The following VPS51 variants were observed in gnomAD, a reference collection of about 807,000 sequenced individuals.
VPS51 encodes the protein VPS51 subunit of GARP complex.
Under a neutral mutation model 65.1 loss-of-function variants are expected in VPS51, and 55 were observed. The ratio of observed to expected loss-of-function variants is 0.84; its 90% CI spans 0.68 to 1.06. VPS51 has a LOEUF of 1.06. Among genes scored for constraint, VPS51 ranks in the 50% least tolerant of loss-of-function variants. The probability of loss-of-function intolerance (pLI) is 0.00; values close to 1 mark genes in which losing one functional copy is unlikely to be tolerated. For missense variants in VPS51, 943 were observed against 1,101.6 expected (o/e 0.86, Z 2.04); for synonymous variants, 473 against 489.5 (o/e 0.97, Z 0.44).
intron 9 of VPS51, 102 bp from the exon 10 acceptor site, chr11:65,111,225 A>G (rs762439676): frequency 6.5e-7 from 1 of 1,539,578 alleles, no homozygotes; most frequent in Non-Finnish European, 8.8e-7. Context: ...GCCTCATCCC[A>G]GCTACTTCCA....
rs528349425 is a variant in VPS51, at chr11:65,111,859, G to C, written c.*272G>C. The C allele has an allele frequency of 1.4e-5, 14 of 999,922 alleles. No homozygotes were observed. Among genetic ancestry groups the C allele is most frequent in the Admixed American group, 6.8e-5 (3 of 44,086 alleles). The allele number at this position is 999,922 out of a possible 1,614,324, so 61.9% of individuals were successfully genotyped here. Reference sequence around the variant, plus strand: ...CGGTTCCACTTAAAAACCCTGGGACGAGAGCGGTCCTTGTCTGCGTTCCGT... The same window carrying C: ...CGGTTCCACTTAAAAACCCTGGGACCAGAGCGGTCCTTGTCTGCGTTCCGT... On this transcript the variant is annotated 3_prime_UTR_variant, in exon 10 of 10. Transcript: ENST00000279281.
At position 65,107,993 on chromosome 11, in the gene VPS51, C is replaced by T. The variant is rs377335542; in HGVS notation, c.696C>T (p.Arg232=). 5 of 1,549,436 alleles carry T rather than the reference C, an allele frequency of 3.2e-6. No individual in the cohort carries two copies. The highest frequency in any genetic ancestry group is 4.4e-6 in the Non-Finnish European group (5 of 1,148,914). ...ACGACTGCCAGGTCATCACGGCCCG[C>T]CTGGCCCAGCAGCTGCGGCAGCGCT... ...IQDDCQVITA[R]LAQQLRQRFR... The change falls in exon 4 of 10, where the codon CGC becomes CGT. Residue 232 remains arginine, a synonymous_variant. Coordinates refer to ENST00000279281, the MANE Select transcript of VPS51 (RefSeq NM_013265.4). This position sits in a 1 kb window ranked among gnomAD's most constrained non-coding sequence, Gnocchi z 4.0.
At position 65,109,369 on chromosome 11, in the gene VPS51, C is replaced by T. The variant is rs755200696; in HGVS notation, c.1533C>T (p.Ser511=). ...MCQTAQSFCD[S]PGEKGGATPP... ...AGACGGCTCAGAGCTTCTGCGACAG[C>T]CCTGGGGAGAAGGGGGGTGCCACAC... is the stretch of plus-strand genomic sequence containing the variant. The change falls in exon 6 of 10, where the codon AGC becomes AGT. Residue 511 remains serine (S), a synonymous_variant. Transcript: ENST00000279281. 16 of 1,613,086 alleles carry T rather than the reference C, an allele frequency of 9.9e-6. No homozygotes were observed. The highest frequency in any genetic ancestry group is 1.2e-5 in the Non-Finnish European group (14 of 1,180,018).
At chr11:65,097,879 G>A (rs1344772881) in intron 2 of VPS51, among the ~76,000 whole-genome samples, 1 of 150,632 alleles carries the variant, frequency 6.6e-6, no homozygotes, top group East Asian at 2.0e-4. Flanking sequence ...GTATCTATCT[G>A]AAGAAGCATC....
In VPS51 at chr11:65,109,366, C is replaced by A; in HGVS notation, c.1530C>A (p.Asp510Glu). Residue 510 changes from aspartate (D) to glutamate (E), a missense_variant, in exon 6 of 10, where the codon GAC (aspartate) becomes GAA (glutamate). Physicochemically the swap from Asp to Glu is conservative, Grantham distance 45. Coordinates refer to ENST00000279281, the MANE Select transcript of VPS51 (RefSeq NM_013265.4). Reference protein sequence around the residue: ...SMCQTAQSFCDSPGEKGGATP... With the variant: ...SMCQTAQSFCESPGEKGGATP... ...GCCAGACGGCTCAGAGCTTCTGCGA[C>A]AGCCCTGGGGAGAAGGGGGGTGCCA... 1 of 1,613,332 alleles carries A rather than the reference C, an allele frequency of 6.2e-7. No homozygotes were observed.
At chr11:65,108,100 G>T in intron 4 of VPS51, 78 bp downstream of exon 4, 1 of 1,516,480 alleles carries the variant, frequency 6.6e-7, no homozygotes, top group South Asian at 1.2e-5. Context: ...GGCCCTCCTG[G>T]AGCTGTCCCC....
intron 9 of VPS51, chr11:65,111,099 G>A: frequency 5.2e-6 from 4 of 762,782 alleles, no homozygotes; most frequent in East Asian, 2.7e-5. Context: ...TCCCTGCCCC[G>A]CCTCACTCCA....
chr11:65,109,036 AC>A, intron 5 of VPS51, 122 bp downstream of exon 5: 6 of 1,263,864 alleles, frequency 4.7e-6, no homozygotes, highest in Non-Finnish European at 6.8e-6. Context: ...GTTCTTATGC[AC>A]GGTCTGGGGG....
Position 65,096,220 on chromosome 11 carries a change from AGCCTCAC to A in VPS51, c.-27_-21del, listed in dbSNP as rs1226279993. On this transcript the variant is annotated 5_prime_UTR_variant, in exon 1 of 10. Transcript: ENST00000279281. ...CCTCCTCCCCGTCCCCTTCCTTTCC[AGCCTCAC>A]GCCCGTGGGCTGCAGTTGGAACGAT... The A allele has an allele frequency of 2.0e-6, 3 of 1,519,032 alleles. No homozygotes were observed. Among genetic ancestry groups the A allele is most frequent in the Non-Finnish European group, 2.7e-6 (3 of 1,132,052 alleles). 94.1% of individuals were successfully genotyped at this position (1,519,032 alleles called of 1,614,324 possible).
chr11:65,110,420 A>G (rs947538259), intron 7 of VPS51, 62 bp from the exon 8 acceptor site: 6 of 1,612,458 alleles, frequency 3.7e-6, no homozygotes, highest in South Asian at 1.1e-5. Context: ...CATCCTCAGC[A>G]CCGATGGGCT....
intron 1 of VPS51, 155 bp from the exon 2 acceptor site, chr11:65,096,843 T>G (rs1947773808): frequency 2.5e-6 from 3 of 1,196,060 alleles, no homozygotes; most frequent in Non-Finnish European, 3.5e-6. Context: ...GCTAGGCCAC[T>G]TAGGGCCCCC....
At position 65,109,739 on chromosome 11, in the gene VPS51, G is replaced by C; in HGVS notation, c.1694G>C (p.Cys565Ser). The C allele has an allele frequency of 1.3e-6, 2 of 1,589,886 alleles. No homozygotes were observed. The highest frequency in any genetic ancestry group is 1.7e-6 in the Non-Finnish European group (2 of 1,168,372). Residue 565 changes from cysteine (C) to serine (S), a missense_variant, in exon 7 of 10, where the codon TGT becomes TCT. By Grantham distance (112) the Cys-to-Ser change is moderately radical. Coordinates refer to ENST00000279281, the MANE Select transcript of VPS51 (RefSeq NM_013265.4). ...QFPVTPVSTLCAEARETARRL... is the reference protein window; with the variant it reads ...QFPVTPVSTLSAEARETARRL... ...CCAGTGACGCCCGTGAGCACGCTGT[G>C]TGCAGAGGCCAGGGAAACGGCGCGG...
In VPS51 at chr11:65,111,753, C is replaced by G; in HGVS notation, c.*166C>G. 8.3e-7 allele frequency: 1 copy of G among 1,198,130 alleles called. No homozygotes were observed. The highest frequency in any genetic ancestry group is 1.1e-6 in the Non-Finnish European group (1 of 883,350). 74.2% of individuals were successfully genotyped at this position (1,198,130 alleles called of 1,614,324 possible). A position where few individuals can be genotyped will look rare whatever the true frequency, so the allele number is the denominator to read the frequency against. On this transcript the variant is annotated 3_prime_UTR_variant, in exon 10 of 10. Coordinates refer to ENST00000279281, the MANE Select transcript of VPS51 (RefSeq NM_013265.4). The stretch of plus-strand genomic sequence containing the variant: ...CCTTTCCGGGGGCGGGGTTTTGAAG[C>G]TGAGGCTTCTGAGGCGCCCGCGTCG...
intron 9 of VPS51, 37 bp downstream of exon 9, chr11:65,110,818 C>G: frequency 6.2e-7 from 1 of 1,613,292 alleles, no homozygotes; most frequent in Non-Finnish European, 8.5e-7. Flanking sequence ...TCCAGGGATC[C>G]CGGGGAGGGT....
chr11:65,097,409 G>A (rs1045016998), intron 2 of VPS51, among the ~76,000 whole-genome samples: 2 of 152,172 alleles, frequency 1.3e-5, no homozygotes, highest in Non-Finnish European at 2.9e-5. Flanking sequence ...CTCCCAGGCT[G>A]GAGGGCAGTA....
At chr11:65,103,116 T>C (rs1947820287) in intron 2 of VPS51, among the ~76,000 whole-genome samples, 1 of 152,222 alleles carries the variant, frequency 6.6e-6, no homozygotes, top group South Asian at 2.1e-4. Flanking sequence ...TTTGCACCAC[T>C]GCATGCCATC....
At chr11:65,101,967 A>G (rs1004562239) in intron 2 of VPS51, among the ~76,000 whole-genome samples, 16 of 148,914 alleles carry the variant, frequency 1.1e-4, no homozygotes, top group Non-Finnish European at 2.4e-4. Context: ...ACATCCTCGC[A>G]TCCAGATGGC....
Position 65,109,893 on chromosome 11 carries a change from G to A in VPS51, c.1848G>A (p.Val616=), listed in dbSNP as rs998492084. 1 of 1,608,896 alleles carries A rather than the reference G, an allele frequency of 6.2e-7. No homozygotes were observed. Among genetic ancestry groups the A allele is most frequent in the East Asian group, 2.2e-5 (1 of 44,760 alleles). The change falls in exon 7 of 10, where the codon GTG becomes GTA. Residue 616 remains valine, a synonymous_variant. Transcript: ENST00000279281. ...PRNVRAVMKR[V]VEDTTAIDVQ... ...ATGTGCGGGCCGTCATGAAGCGGGT[G>A]GTGGAGGATACCACCGCCATCGACG...
Position 65,108,305 on chromosome 11 carries a change from C to A in VPS51, c.834C>A (p.Gly278=). Residue 278 remains glycine (G), a synonymous_variant, in exon 5 of 10, where the codon GGC becomes GGA. Transcript: ENST00000279281. Reference sequence around the variant, plus strand: ...AGGAGTTCCTGGCGCACGCCCGCGGCCGGCTGGAGAAGGAGCTGAGAAACC... The same window carrying A: ...AGGAGTTCCTGGCGCACGCCCGCGGACGGCTGGAGAAGGAGCTGAGAAACC... ...LCEEFLAHAR[G]RLEKELRNLE... 6.2e-7 allele frequency: 1 copy of A among 1,607,014 alleles called. No individual in the cohort carries two copies. The highest frequency in any genetic ancestry group is 8.5e-7 in the Non-Finnish European group (1 of 1,177,674).
Sources: gnomAD v4.1 joint callset for allele counts (sites outside exome capture counted in the v4.1 genomes callset) on GRCh38, gnomAD v4.1.1 for gene constraint, Gnocchi (gnomAD v3.1) non-coding constraint, MANE v1.5 for transcripts, NCBI Gene and HGNC (gene_info 2026-07-23, HGNC 2026-07-21) for gene names.